ZNF8: variants seen among roughly 807,000 people sequenced by gnomAD.
The protein encoded by ZNF8 is zinc finger protein 272.
A neutral mutation model predicts 12.2 loss-of-function variants in ZNF8; 9 were observed. The observed-to-expected ratio is 0.73, with a 90% CI of 0.44 to 1.28. ZNF8 has a LOEUF of 1.28. Among genes scored for constraint, ZNF8 ranks in the 50% most tolerant of loss-of-function variants. The pLI, the probability that ZNF8 is intolerant of heterozygous loss-of-function variation, is 0.00. For synonymous variants in ZNF8, 274 were observed against 282.3 expected, an observed-to-expected ratio of 0.97 and a Z score of 0.30; for missense variants, 664 against 729.1, an observed-to-expected ratio of 0.91 and a Z score of 1.03.
At chr19:58,290,678 T>G (rs1215251247) in intron 3 of ZNF8, among the ~76,000 whole-genome samples, 6 of 152,042 alleles carry the variant, frequency 3.9e-5, no homozygotes, top group Admixed American at 2.0e-4. Flanking sequence ...GAGGATTGCT[T>G]AAGCCCAGGA....
intron 1 of ZNF8, among the ~76,000 whole-genome samples, chr19:58,284,720 G>A (rs1045861264): frequency 2.0e-5 from 3 of 152,090 alleles, no homozygotes; most frequent in South Asian, 2.1e-4. Context: ...GTGGTGGTGC[G>A]CTCCTGTAGT....
chr19:58,298,314 C>G lies in ZNF8; in HGVS notation c.*2778C>G, dbSNP rs2051469181. On this transcript the variant is annotated 3_prime_UTR_variant, in exon 4 of 4. Transcript: ENST00000621650. The stretch of plus-strand genomic sequence containing the variant: ...AAAGTGCTGGGATTACAGGCATGAG[C>G]CACTGCGCCTGGCCCTCTTTTTCTT... 6.6e-6 allele frequency: 1 copy of G among 151,688 alleles called. No individual in the cohort carries two copies. The highest frequency in any genetic ancestry group is 1.5e-5 in the Non-Finnish European group (1 of 68,232). 9.4% of individuals were successfully genotyped at this position (151,688 alleles called of 1,614,324 possible).
chr19:58,280,017 C>A, intron 1 of ZNF8: 1 of 476,180 alleles, frequency 2.1e-6, no homozygotes, highest in Non-Finnish European at 3.4e-6. Context: ...AATGCTACCA[C>A]GTTTTATTTT....
intron 1 of ZNF8, chr19:58,279,837 C>A: frequency 7.2e-7 from 1 of 1,380,740 alleles, no homozygotes. Flanking sequence ...CAGGAAACAA[C>A]AATAATTATC....
chr19:58,295,563 A>G lies in ZNF8; in HGVS notation c.*27A>G. 1 of 1,545,398 alleles carries G rather than the reference A, an allele frequency of 6.5e-7. No individual in the cohort carries two copies. The highest frequency in any genetic ancestry group is 1.9e-5 in the Admixed American group (1 of 51,988). ...AGAGAAACTTTGCTGATGACTTTTAACCACAAGTAAAAAATGTGGTAAGTC... is the reference window on the plus strand; with the variant it reads ...AGAGAAACTTTGCTGATGACTTTTAGCCACAAGTAAAAAATGTGGTAAGTC... On this transcript the variant is annotated 3_prime_UTR_variant, in exon 4 of 4. Coordinates refer to ENST00000621650, the MANE Select transcript of ZNF8 (RefSeq NM_021089.3).
Position 58,286,222 on chromosome 19 carries a change from T to A in ZNF8, c.289+17T>A, listed in dbSNP as rs1436567891. 6.2e-7 allele frequency: 1 copy of A among 1,607,318 alleles called. No individual in the cohort carries two copies. The highest frequency in any genetic ancestry group is 2.2e-5 in the East Asian group (1 of 44,776). ...GCCATCCAGGTGAGAACCCACTATG[T>A]GGGAGCAGCTAATGGGAGCAGCCTA... On this transcript the variant is annotated intron_variant, in intron 3 of 3. Coordinates refer to ENST00000621650, the MANE Select transcript of ZNF8 (RefSeq NM_021089.3).
In ZNF8 at chr19:58,295,503, T is replaced by G. The variant is rs753294577; in HGVS notation, c.1695T>G (p.Ala565=). The change falls in exon 4 of 4, where the codon GCT becomes GCG. Residue 565 remains alanine, a synonymous_variant. Transcript: ENST00000621650. ...VIGVEEPSVG[A]SMLFDIREST is the part of the protein sequence containing the mutation. The stretch of plus-strand genomic sequence containing the variant: ...GGGTGGAAGAGCCTTCTGTGGGTGC[T>G]TCCATGTTATTTGACATCAGAGAAT... The G allele has an allele frequency of 6.2e-7, 1 of 1,605,802 alleles. No homozygotes were observed.
chr19:58,301,443 T>G lies in ZNF8; in HGVS notation c.*5907T>G, dbSNP rs2051491121. 6.6e-6 allele frequency: 1 copy of G among 152,252 alleles called. No homozygotes were observed. Among genetic ancestry groups the G allele is most frequent in the Non-Finnish European group, 1.5e-5 (1 of 68,104 alleles). The allele number at this position is 152,252 out of a possible 1,614,324, so 9.4% of individuals were successfully genotyped here. ...CCCAGCCAGAGTGTGAACCAAACAGTCTGGTACCAAAACCCTATTCTGGAT... is the reference window on the plus strand; with the variant it reads ...CCCAGCCAGAGTGTGAACCAAACAGGCTGGTACCAAAACCCTATTCTGGAT... On this transcript the variant is annotated 3_prime_UTR_variant, in exon 4 of 4. Transcript: ENST00000621650.
intron 3 of ZNF8, among the ~76,000 whole-genome samples, chr19:58,293,629 G>A (rs1200331512): frequency 6.6e-6 from 1 of 152,186 alleles, no homozygotes; most frequent in Non-Finnish European, 1.5e-5. Context: ...AAGGAGATGT[G>A]ACAGCAGAAG....
In ZNF8 at chr19:58,294,292, G is replaced by T; in HGVS notation, c.484G>T (p.Gly162Cys). 1.9e-6 allele frequency: 3 copies of T among 1,614,052 alleles called. No homozygotes were observed. Among genetic ancestry groups the T allele is most frequent in the Non-Finnish European group, 2.5e-6 (3 of 1,180,006 alleles). ...GAATAACTTGAAGCAGTTGGAATTT[G>T]GCCTCAAGGAAGCACCAGTTCAAGA... ...EQNNLKQLEF[G>C]LKEAPVQDQG... is the part of the protein sequence containing the mutation. The change falls in exon 4 of 4, where the codon GGC (glycine) becomes TGC (cysteine). Residue 162 changes from glycine to cysteine, a missense_variant. Physicochemically the swap from Gly to Cys is radical, Grantham distance 159. This residue lies in a region of ZNF8 where 306 missense variants were observed against 308.7 expected (regional missense o/e 0.99). Transcript: ENST00000621650. The surrounding 1 kb of genome is among the most constrained non-coding windows in gnomAD (Gnocchi z 5.5).
rs921951559 is a variant in ZNF8, at chr19:58,302,193, C to T, written c.*6657C>T. 6.6e-6 allele frequency: 1 copy of T among 152,026 alleles called. No homozygotes were observed. The highest frequency in any genetic ancestry group is 2.4e-5 in the African/African-American group (1 of 41,414). The allele number at this position is 152,026 out of a possible 1,614,324, so 9.4% of individuals were successfully genotyped here. A position where few individuals can be genotyped will look rare whatever the true frequency, so the allele number is the denominator to read the frequency against. Reference sequence around the variant, plus strand: ...ATTTTGAAACAGATAAGAAACTCCTCCGTGGAAATTACTGTTAACTAGGGA... The same window carrying T: ...ATTTTGAAACAGATAAGAAACTCCTTCGTGGAAATTACTGTTAACTAGGGA... On this transcript the variant is annotated 3_prime_UTR_variant, in exon 4 of 4. Transcript: ENST00000621650.
At chr19:58,287,533 T>G (rs1286251106) in intron 3 of ZNF8, among the ~76,000 whole-genome samples, 2 of 151,302 alleles carry the variant, frequency 1.3e-5, no homozygotes, top group African/African-American at 4.9e-5. Flanking sequence ...GAGACACAGT[T>G]GCACTGTGTT....
chr19:58,293,977 G>T, intron 3 of ZNF8, 121 bp from the exon 4 acceptor site: 1 of 870,012 alleles, frequency 1.1e-6, no homozygotes, highest in East Asian at 2.5e-5. Context: ...AGGAGAATCA[G>T]GGGACTTGCC....
intron 1 of ZNF8, among the ~76,000 whole-genome samples, chr19:58,285,252 G>A (rs1310710163): frequency 6.6e-6 from 1 of 151,830 alleles, no homozygotes; most frequent in African/African-American, 2.4e-5. Flanking sequence ...GGGCTCAAGC[G>A]ATTCTGCTGC....
chr19:58,299,083 C>T lies in ZNF8; in HGVS notation c.*3547C>T, dbSNP rs1242490016. The T allele has an allele frequency of 6.6e-6, 1 of 151,946 alleles. No individual in the cohort carries two copies. The highest frequency in any genetic ancestry group is 2.4e-5 in the African/African-American group (1 of 41,268). 9.4% of individuals were successfully genotyped at this position (151,946 alleles called of 1,614,324 possible). A position where few individuals can be genotyped will look rare whatever the true frequency, so the allele number is the denominator to read the frequency against. On this transcript the variant is annotated 3_prime_UTR_variant, in exon 4 of 4. Coordinates refer to ENST00000621650, the MANE Select transcript of ZNF8 (RefSeq NM_021089.3). ...TTGGCCATCCAAAGTGCTAGGATTA[C>T]AGGTGTGAGCCAATGCACCCTGCCA...
At chr19:58,282,631 A>T (rs188208524) in intron 1 of ZNF8, among the ~76,000 whole-genome samples, 7 of 147,990 alleles carry the variant, frequency 4.7e-5, no homozygotes, top group Non-Finnish European at 7.4e-5. Context: ...AATTTAATTT[A>T]ATTTTTTTTT....
In ZNF8 at chr19:58,279,000, C is replaced by G; in HGVS notation, c.-82C>G. 1 of 1,343,520 alleles carries G rather than the reference C, an allele frequency of 7.4e-7. No individual in the cohort carries two copies. The highest frequency in any genetic ancestry group is 9.6e-7 in the Non-Finnish European group (1 of 1,038,480). 83.2% of individuals were successfully genotyped at this position (1,343,520 alleles called of 1,614,324 possible). A position where few individuals can be genotyped will look rare whatever the true frequency, so the allele number is the denominator to read the frequency against. ...GCGGCCGCCATTGTCCGGCGTTCGG[C>G]GAGTCGGGTGGTCCCTTTGGCTGGA... On this transcript the variant is annotated 5_prime_UTR_variant, in exon 1 of 4. Coordinates refer to ENST00000621650, the MANE Select transcript of ZNF8 (RefSeq NM_021089.3).
intron 3 of ZNF8, among the ~76,000 whole-genome samples, chr19:58,287,889 G>A (rs2051394082): frequency 9.4e-6 from 1 of 106,748 alleles, no homozygotes; most frequent in South Asian, 3.0e-4. Flanking sequence ...TTTAGAGATG[G>A]GGTCTCGCCA....
intron 3 of ZNF8, among the ~76,000 whole-genome samples, chr19:58,289,209 G>A (rs1193519789): frequency 2.0e-5 from 3 of 152,112 alleles, no homozygotes; most frequent in South Asian, 2.1e-4. Context: ...AAAAAGCACC[G>A]ATTTGGCTGG....
Sources: allele counts gnomAD v4.1 joint callset (sites outside exome capture counted in the v4.1 genomes callset), GRCh38; gene constraint gnomAD v4.1.1; regional missense constraint gnomAD v4.1.1; non-coding constraint Gnocchi (gnomAD v3.1); transcripts MANE v1.5; gene names NCBI Gene and HGNC (gene_info 2026-07-23, HGNC 2026-07-21).